CNTNAP5: variants seen among roughly 807,000 people sequenced by gnomAD.
CNTNAP5 encodes contactin-associated protein-like 5.
Under a neutral mutation model 150.2 loss-of-function variants are expected in CNTNAP5, and 72 were observed. The ratio of observed to expected loss-of-function variants is 0.48; its 90% CI spans 0.40 to 0.58. CNTNAP5 has a LOEUF of 0.58. Ranked by LOEUF, CNTNAP5 falls within the 20% of genes least tolerant of loss-of-function variation. The pLI is 0.00. For missense variants in CNTNAP5, 1,636 were observed against 1,626.2 expected (o/e 1.01, Z -0.10); for synonymous variants, 672 against 619.8 (o/e 1.08, Z -1.25).
chr2:124,861,383 G>A (rs920567529), intron 19 of CNTNAP5, among the ~76,000 whole-genome samples: 4 of 151,846 alleles, frequency 2.6e-5, no homozygotes, highest in African/African-American at 7.3e-5. Context: ...GAGCAGCCTC[G>A]CCAAGATGGT....
At chr2:124,484,334 G>C (rs1693822811) in intron 7 of CNTNAP5, among the ~76,000 whole-genome samples, 1 of 152,158 alleles carries the variant, frequency 6.6e-6, no homozygotes, top group South Asian at 2.1e-4. Flanking sequence ...GTCACTCATG[G>C]TGTTAAATAT....
intron 13 of CNTNAP5, among the ~76,000 whole-genome samples, chr2:124,664,729 C>G (rs897898414): frequency 1.3e-5 from 2 of 152,222 alleles, no homozygotes; most frequent in South Asian, 4.1e-4. Flanking sequence ...TCTTATCACC[C>G]AGGCTGGAGG....
chr2:124,123,288 G>A (rs927779931), intron 1 of CNTNAP5, among the ~76,000 whole-genome samples: 4 of 152,148 alleles, frequency 2.6e-5, no homozygotes, highest in Non-Finnish European at 4.4e-5. Context: ...CACGCCCACG[G>A]AGCCTCACTC....
At chr2:124,276,838 T>C (rs1644724908) in intron 3 of CNTNAP5, among the ~76,000 whole-genome samples, 1 of 152,114 alleles carries the variant, frequency 6.6e-6, no homozygotes, top group South Asian at 2.1e-4. Flanking sequence ...CCCAGTAACA[T>C]GTAAAAGGTT....
At chr2:124,103,808 A>G (rs1683113982) in intron 1 of CNTNAP5, among the ~76,000 whole-genome samples, 2 of 148,578 alleles carry the variant, frequency 1.3e-5, no homozygotes, top group South Asian at 4.2e-4. Context: ...TATTATATAT[A>G]ACTTAACCAT....
At chr2:124,799,963 A>G (rs1196091723) in intron 19 of CNTNAP5, among the ~76,000 whole-genome samples, 1 of 152,226 alleles carries the variant, frequency 6.6e-6, no homozygotes, top group Non-Finnish European at 1.5e-5. Flanking sequence ...CTGTTTATCA[A>G]TAGCCCTTTA....
chr2:124,591,191 ATGGAGACAAATCTTGT>A (rs1268446168), intron 11 of CNTNAP5, among the ~76,000 whole-genome samples: 1 of 152,138 alleles, frequency 6.6e-6, no homozygotes, highest in East Asian at 1.9e-4. Context: ...GTTTTTTCTA[ATGGAGACAAATCTTGT>A]TACTGATAAT....
intron 1 of CNTNAP5, among the ~76,000 whole-genome samples, chr2:124,219,290 C>T (rs1686241892): frequency 6.6e-6 from 1 of 152,036 alleles, no homozygotes; most frequent in Non-Finnish European, 1.5e-5. Context: ...GAGTACAATA[C>T]TCAAAAATTT....
intron 11 of CNTNAP5, among the ~76,000 whole-genome samples, chr2:124,576,958 C>T (rs535593541): frequency 6.6e-6 from 1 of 152,156 alleles, no homozygotes; most frequent in Non-Finnish European, 1.5e-5. Flanking sequence ...GTTCTGATTT[C>T]TATGTTTGGA....
At chr2:124,786,536 AAGAAAG>A (rs1681600304) in intron 17 of CNTNAP5, among the ~76,000 whole-genome samples, 2 of 151,626 alleles carry the variant, frequency 1.3e-5, no homozygotes, top group African/African-American at 2.4e-5. Context: ...AAAGAAAGGA[AAGAAAG>A]AGAAAGGAAA....
At chr2:124,645,671 G>C (rs140685203) in intron 12 of CNTNAP5, among the ~76,000 whole-genome samples, 1 of 152,308 alleles carries the variant, frequency 6.6e-6, no homozygotes, top group East Asian at 1.9e-4. Context: ...GAATGTTTGA[G>C]CACAGTTTAA....
At chr2:124,600,024 A>G (rs7584599) in intron 11 of CNTNAP5, among the ~76,000 whole-genome samples, 1 of 151,754 alleles carries the variant, frequency 6.6e-6, no homozygotes, top group East Asian at 1.9e-4. Context: ...GTGCATTCTC[A>G]ATAAACGTGT....
chr2:124,096,066 C>T (rs1335592049), intron 1 of CNTNAP5, among the ~76,000 whole-genome samples: 1 of 152,084 alleles, frequency 6.6e-6, no homozygotes, highest in Admixed American at 6.5e-5. Flanking sequence ...CATTCTTTCC[C>T]GTGCTAGTCT....
At chr2:124,703,152 TCCCTTTCTTCCTTTAG>T (rs1679558681) in intron 13 of CNTNAP5, among the ~76,000 whole-genome samples, 1 of 116,988 alleles carries the variant, frequency 8.5e-6, no homozygotes, top group Non-Finnish European at 1.9e-5. Flanking sequence ...CCTTCTTTCC[TCCCTTTCTTCCTTTAG>T]CCCTTTCTTC....
chr2:124,873,382 T>C lies in CNTNAP5; in HGVS notation c.3436+3620T>C, dbSNP rs140238086. Among the ~76,000 whole-genome samples, 56 of 152,172 alleles carry C rather than the reference T, an allele frequency of 3.7e-4. 1 individual carries two copies. In the East Asian group the frequency reaches 9.9e-3, roughly 27 times the overall value. The stretch of plus-strand genomic sequence containing the variant: ...TAGGGATTACAATTCAACATGAGAT[T>C]TGAGTGAGGACACAGATACAAACCA... On this transcript the variant is annotated intron_variant, in intron 21 of 23. Coordinates refer to ENST00000682447, the MANE Select transcript of CNTNAP5 (RefSeq NM_001367498.1).
chr2:124,687,740 C>T (rs1324067990), intron 13 of CNTNAP5, among the ~76,000 whole-genome samples: 1 of 152,020 alleles, frequency 6.6e-6, no homozygotes, highest in Admixed American at 6.6e-5. Flanking sequence ...CATACTTTCT[C>T]TCAGGCAAAA....
intron 3 of CNTNAP5, 58 bp from the exon 4 acceptor site, chr2:124,417,385 T>TTG: frequency 6.4e-7 from 1 of 1,563,024 alleles, no homozygotes; most frequent in East Asian, 2.3e-5. Context: ...CAAATATGGT[T>TTG]TTCCACTGAA....
At chr2:124,457,784 T>C (rs1693155058) in intron 6 of CNTNAP5, among the ~76,000 whole-genome samples, 1 of 152,118 alleles carries the variant, frequency 6.6e-6, no homozygotes, top group African/African-American at 2.4e-5. Context: ...AAAGAAGATA[T>C]ACAAATGGCC....
chr2:124,291,747 G>T lies in CNTNAP5; in HGVS notation c.381+49354G>T, dbSNP rs539582171. Among the ~76,000 whole-genome samples, 6 of 151,878 alleles carry T rather than the reference G, an allele frequency of 4.0e-5. No individual in the cohort carries two copies. In the South Asian group the frequency reaches 1.2e-3, roughly 32 times the overall value. ...AGGTATTTATTGTAGTATCAGTCTC[G>T]GTCATACATTAAAAATAGATGCAAA... On this transcript the variant is annotated intron_variant, in intron 3 of 23. Transcript: ENST00000682447.
Sources: allele counts gnomAD v4.1 joint callset (sites outside exome capture counted in the v4.1 genomes callset), GRCh38; gene constraint gnomAD v4.1.1; transcripts MANE v1.5; gene names NCBI Gene and HGNC (gene_info 2026-07-23, HGNC 2026-07-21).